GSE1: variants seen among roughly 807,000 people sequenced by gnomAD.
GSE1 encodes genetic suppressor element 1.
In GSE1, 32 loss-of-function variants were observed where a neutral mutation model predicts 112.6. That is an observed-to-expected ratio of 0.28 (90% CI 0.21 to 0.38). The LOEUF (loss-of-function observed/expected upper bound fraction) is 0.38. Among genes scored for constraint, GSE1 ranks in the 10% least tolerant of loss-of-function variants. The pLI is 1.00. For synonymous variants in GSE1, 1,115 were observed against 735.6 expected (o/e 1.52, Z -8.35); for missense variants, 2,348 against 1,699.2 (o/e 1.38, Z -6.71).
intron 2 of GSE1, among the ~76,000 whole-genome samples, chr16:85,453,431 G>A (rs2049740763): frequency 6.6e-6 from 1 of 152,196 alleles, no homozygotes; most frequent in Non-Finnish European, 1.5e-5. Context: ...AGGAAGCAAG[G>A]CAGCAGGGAG....
At chr16:85,322,310 A>C (rs565477690) in intron 1 of GSE1, among the ~76,000 whole-genome samples, 1 of 152,026 alleles carries the variant, frequency 6.6e-6, no homozygotes, top group Non-Finnish European at 1.5e-5. Flanking sequence ...GCGGGGGGGA[A>C]GGTGGCAGTG....
At chr16:85,554,826 G>T, upstream of GSE1, 1 of 961,196 alleles carries the variant, frequency 1.0e-6, no homozygotes, top group African/African-American at 1.8e-5. Context: ...CGGCCAGAGC[G>T]CGGAGTTGGG....
At chr16:85,562,533 C>G (rs1204149729) in intron 1 of GSE1, among the ~76,000 whole-genome samples, 5 of 152,216 alleles carry the variant, frequency 3.3e-5, no homozygotes, top group Non-Finnish European at 5.9e-5. Context: ...ATTATGTTAC[C>G]TGGATTCCGG....
chr16:85,278,623 T>C (rs915469122), intron 1 of GSE1, among the ~76,000 whole-genome samples: 6 of 152,232 alleles, frequency 3.9e-5, no homozygotes, highest in Non-Finnish European at 8.8e-5. Context: ...AAACCAATTC[T>C]GATACAAGTA....
At chr16:85,608,863 G>A (rs1196617642), upstream of GSE1, among the ~76,000 whole-genome samples, 1 of 152,224 alleles carries the variant, frequency 6.6e-6, no homozygotes, top group Non-Finnish European at 1.5e-5. Context: ...CGCTGAACAA[G>A]GTGCCCAGGC....
intron 1 of GSE1, among the ~76,000 whole-genome samples, chr16:85,259,777 C>T (rs144899463): frequency 1.3e-5 from 2 of 152,206 alleles, no homozygotes; most frequent in East Asian, 1.9e-4. Context: ...TGGGACCCCC[C>T]ACCCCTGCAC....
chr16:85,500,998 G>GTTTTTTTTTTTTTTTT (rs55650214), intron 2 of GSE1, among the ~76,000 whole-genome samples: 3 of 64,830 alleles, frequency 4.6e-5, no homozygotes, highest in African/African-American at 1.3e-4. Context: ...GGCCTGTTCT[G>GTTTTTTTTTTTTTTTT]TTTTTTTTTT....
At chr16:85,515,903 T>C (rs2051917999) in intron 2 of GSE1, among the ~76,000 whole-genome samples, 1 of 152,118 alleles carries the variant, frequency 6.6e-6, no homozygotes, top group South Asian at 2.1e-4. Flanking sequence ...GGCCAGTGGC[T>C]GTTCCCACCC....
rs1025356641 is a variant in GSE1, at chr16:85,261,171, G to T, written c.2283+89364G>T. On this transcript the variant is annotated intron_variant, in intron 1 of 2. Coordinates refer to the GSE1 transcript ENST00000637419. The stretch of plus-strand genomic sequence containing the variant: ...GCCATTTCTTCTGCCCTGGGCTGCC[G>T]CATCCCAGCTCGCATTCTTGCCAGA... Among the ~76,000 whole-genome samples, 3 of 152,340 alleles carry T rather than the reference G, an allele frequency of 2.0e-5. No individual in the cohort carries two copies. In the East Asian group the frequency reaches 5.8e-4, roughly 29 times the overall value.
In GSE1 at chr16:85,672,585, C is replaced by G. The variant is rs377652136; in HGVS notation, c.*46C>G. 1.4e-5 allele frequency: 18 copies of G among 1,329,474 alleles called. No individual in the cohort carries two copies. The highest frequency in any genetic ancestry group is 1.9e-5 in the Non-Finnish European group (18 of 968,770). The allele number at this position is 1,329,474 out of a possible 1,614,324, so 82.4% of individuals were successfully genotyped here. On this transcript the variant is annotated 3_prime_UTR_variant, in exon 16 of 16. Transcript: ENST00000253458. ...CGAACCTATAGTATAGAAATATTAT[C>G]TATTTTATTACCTTGAATATTTAAT...
At chr16:85,208,811 T>TGCCACGTGTTGGGGTTC (rs2075167789) in intron 1 of GSE1, among the ~76,000 whole-genome samples, 1 of 106,768 alleles carries the variant, frequency 9.4e-6, no homozygotes, top group Admixed American at 8.7e-5. Flanking sequence ...TGTTGGGGTT[T>TGCCACGTGTTGGGGTTC]GCCACGTGTT....
intron 1 of GSE1, among the ~76,000 whole-genome samples, chr16:85,275,754 C>G (rs962247639): frequency 6.6e-6 from 1 of 152,182 alleles, no homozygotes; most frequent in Non-Finnish European, 1.5e-5. Flanking sequence ...GGAAACCAAG[C>G]GAAGGGATGA....
intron 1 of GSE1, among the ~76,000 whole-genome samples, chr16:85,614,346 CTAAT>C (rs1380533090): frequency 6.6e-6 from 1 of 152,072 alleles, no homozygotes; most frequent in Non-Finnish European, 1.5e-5. Context: ...CTCTAGCAGG[CTAAT>C]TAAATTCCCT....
intron 1 of GSE1, among the ~76,000 whole-genome samples, chr16:85,600,562 A>AACAC (rs144938363): frequency 1.4e-3 from 210 of 148,644 alleles, no homozygotes; most frequent in African/African-American, 5.0e-3. Flanking sequence ...CTTGTTAAAA[A>AACAC]ACACACACAC....
intron 1 of GSE1, among the ~76,000 whole-genome samples, chr16:85,207,359 G>A (rs1274495810): frequency 6.6e-6 from 1 of 152,240 alleles, no homozygotes; most frequent in African/African-American, 2.4e-5. Context: ...GGGGGCCCCT[G>A]CCCGCCGCCA....
At chr16:85,524,831 C>T (rs34052016) in intron 2 of GSE1, among the ~76,000 whole-genome samples, 3 of 152,088 alleles carry the variant, frequency 2.0e-5, no homozygotes, top group South Asian at 4.1e-4. Flanking sequence ...CTGAGGCAGC[C>T]GGTCCATGGT....
intron 2 of GSE1, among the ~76,000 whole-genome samples, chr16:85,504,153 C>A (rs9928228): frequency 6.6e-6 from 1 of 151,990 alleles, no homozygotes; most frequent in South Asian, 2.1e-4. Flanking sequence ...AGAGAGGTTG[C>A]GTGGAACAGG....
chr16:85,463,136 A>G, intron 2 of GSE1: 1 of 983,728 alleles, frequency 1.0e-6, no homozygotes, highest in Non-Finnish European at 1.2e-6. Context: ...GTAAGTGCCC[A>G]GCTCACCGCC....
chr16:85,246,496 A>ACCCCCCCCCCCCCCCCCCC (rs1567636415), intron 1 of GSE1, among the ~76,000 whole-genome samples: 1 of 40,446 alleles, frequency 2.5e-5, no homozygotes, highest in African/African-American at 9.7e-5. Flanking sequence ...CACACACTCT[A>ACCCCCCCCCCCCCCCCCCC]CACACCCCCC....
Sources: gnomAD v4.1 joint callset for allele counts (sites outside exome capture counted in the v4.1 genomes callset) on GRCh38, gnomAD v4.1.1 for gene constraint, MANE v1.5 for transcripts, NCBI Gene and HGNC (gene_info 2026-07-23, HGNC 2026-07-21) for gene names.